Variants in MAST3 observed in about 807,000 individuals in gnomAD.
The protein encoded by MAST3 is microtubule-associated serine/threonine-protein kinase 3.
MAST3 carries 43 observed loss-of-function variants against 127.0 expected under a neutral mutation model. The observed-to-expected ratio is 0.34, with a 90% CI of 0.27 to 0.44. MAST3 has a LOEUF of 0.44. MAST3 is among the 20% of genes least tolerant of loss of function. The probability of loss-of-function intolerance (pLI) is 1.00; values close to 1 mark genes in which losing one functional copy is unlikely to be tolerated. For missense variants in MAST3, 1,390 were observed against 1,919.1 expected (o/e 0.72, Z 5.15); for synonymous variants, 785 against 809.2 (o/e 0.97, Z 0.51).
At chr19:18,103,122 G>T (rs904849191) in intron 1 of MAST3, among the ~76,000 whole-genome samples, 10 of 152,216 alleles carry the variant, frequency 6.6e-5, no homozygotes, top group African/African-American at 1.9e-4. Flanking sequence ...TGGGTGGAAA[G>T]CAGATGGTGC....
intron 3 of MAST3, among the ~76,000 whole-genome samples, chr19:18,114,338 C>T (rs747597201): frequency 2.6e-5 from 4 of 151,848 alleles, no homozygotes; most frequent in Non-Finnish European, 4.4e-5. Context: ...TACAGACATG[C>T]GCCACCACGC....
At chr19:18,131,169 A>C (rs570225601) in intron 14 of MAST3, among the ~76,000 whole-genome samples, 115 of 152,302 alleles carry the variant, frequency 7.6e-4, no homozygotes, top group Non-Finnish European at 1.3e-3. Context: ...TAGTCCCAGC[A>C]CTTTGGGAGG....
At chr19:18,131,496 C>G (rs774054543) in intron 14 of MAST3, among the ~76,000 whole-genome samples, 1 of 139,942 alleles carries the variant, frequency 7.1e-6, no homozygotes, top group Non-Finnish European at 1.6e-5. Context: ...GTCAAGAGAT[C>G]GAGACCATCC....
At chr19:18,138,016 CT>C (rs2042056805) in intron 19 of MAST3, among the ~76,000 whole-genome samples, 1 of 152,034 alleles carries the variant, frequency 6.6e-6, no homozygotes, top group Non-Finnish European at 1.5e-5. Context: ...ACCAGGCTGC[CT>C]GACCAACATG....
In MAST3 at chr19:18,145,906, C is replaced by A; in HGVS notation, c.3162+41C>A. On this transcript the variant is annotated intron_variant, in intron 25 of 27. Coordinates refer to ENST00000687212, the MANE Select transcript of MAST3 (RefSeq NM_001393504.1). This position sits in a 1 kb window ranked among gnomAD's most constrained non-coding sequence, Gnocchi z 5.9. ...TGCCCACCCTCAGGGCTCCCCAGCA[C>A]CCCTTGGCCGCAGCTCCCGGTTCCC... is the stretch of plus-strand genomic sequence containing the variant. 1 of 1,534,546 alleles carries A rather than the reference C, an allele frequency of 6.5e-7. No individual in the cohort carries two copies. The highest frequency in any genetic ancestry group is 8.7e-7 in the Non-Finnish European group (1 of 1,149,746).
At chr19:18,138,759 A>G (rs988068648) in intron 19 of MAST3, among the ~76,000 whole-genome samples, 2 of 152,142 alleles carry the variant, frequency 1.3e-5, no homozygotes, top group African/African-American at 4.8e-5. Context: ...TTGGCCTCTC[A>G]AAGTGCTGGG....
At chr19:18,135,282 T>C (rs1434807678) in intron 17 of MAST3, among the ~76,000 whole-genome samples, 1 of 151,952 alleles carries the variant, frequency 6.6e-6, no homozygotes, top group East Asian at 1.9e-4. Flanking sequence ...CTGGACAACA[T>C]GGTGAAACCC....
chr19:18,112,938 CAG>C lies in MAST3; in HGVS notation c.161+2198_161+2199del, dbSNP rs1271619415. Among the ~76,000 whole-genome samples, 3 of 152,170 alleles carry C rather than the reference CAG, an allele frequency of 2.0e-5. No homozygotes were observed. Among genetic ancestry groups the C allele is most frequent in the South Asian group, 2.1e-4 (1 of 4,800 alleles). On this transcript the variant is annotated intron_variant, in intron 3 of 27. Coordinates refer to ENST00000687212, the MANE Select transcript of MAST3 (RefSeq NM_001393504.1). This position sits in a 1 kb window ranked among gnomAD's most constrained non-coding sequence, Gnocchi z 4.1. ...CATCACCCCCATTTAGTGAAGAAAA[CAG>C]GGGCATAGGACCTCAGAATGTGTTA...
chr19:18,137,415 T>G, intron 19 of MAST3, 54 bp downstream of exon 19: 1 of 1,570,044 alleles, frequency 6.4e-7, no homozygotes, highest in Non-Finnish European at 8.7e-7. Flanking sequence ...CATCCCTCAG[T>G]CCCTGGGGGC....
chr19:18,144,292 A>G lies in MAST3; in HGVS notation c.2585-174A>G, dbSNP rs2042811453. Among the ~76,000 whole-genome samples, 7 of 152,286 alleles carry G rather than the reference A, an allele frequency of 4.6e-5. No homozygotes were observed. In the South Asian group the frequency reaches 1.4e-3, roughly 32 times the overall value. The stretch of plus-strand genomic sequence containing the variant: ...AGGCTTCCTGGAGGAGGGGACTTGA[A>G]GACTTTTGCATAGAGAATAATTTGG... On this transcript the variant is annotated intron_variant, in intron 22 of 27. Transcript: ENST00000687212. This position sits in a 1 kb window ranked among gnomAD's most constrained non-coding sequence, Gnocchi z 4.0.
intron 18 of MAST3, 107 bp downstream of exon 18, chr19:18,135,948 G>T: frequency 2.5e-6 from 2 of 789,306 alleles, no homozygotes; most frequent in Non-Finnish European, 2.1e-6. Context: ...TTGGGAAGCT[G>T]CATGGAGGAG....
rs1300546304 is a variant in MAST3 at position 18,124,091 on chromosome 19, C to T, written c.786C>T (p.Leu262=). The change falls in exon 9 of 28, where the codon CTC becomes CTT. Residue 262 remains leucine (L), a synonymous_variant. Transcript: ENST00000687212. ...GCTTGGCCAAGTCTGGCGAGAACCT[C>T]GTCACCTCCCGCTACTTCCTAGAGA... is the stretch of plus-strand genomic sequence containing the variant. The part of the protein sequence containing the change: ...RDCLAKSGEN[L]VTSRYFLEMQ... 3.1e-6 allele frequency: 5 copies of T among 1,611,292 alleles called. No individual in the cohort carries two copies. The highest frequency in any genetic ancestry group is 1.1e-5 in the South Asian group (1 of 90,544).
At position 18,144,383 on chromosome 19, in the gene MAST3, AC is replaced by A. The variant is rs1191707085; in HGVS notation, c.2585-81del. On this transcript the variant is annotated intron_variant, in intron 22 of 27. Coordinates refer to ENST00000687212, the MANE Select transcript of MAST3 (RefSeq NM_001393504.1). The surrounding 1 kb of genome is among the most constrained non-coding windows in gnomAD (Gnocchi z 4.0). ...AGGAGGCTGGACTGTGTAAATAGTGACCAGGGAGGAAGGGCCTTAAGGTCCC... is the reference window on the plus strand; with the variant it reads ...AGGAGGCTGGACTGTGTAAATAGTGACAGGGAGGAAGGGCCTTAAGGTCCC... 8 of 1,183,788 alleles carry A rather than the reference AC, an allele frequency of 6.8e-6. No individual in the cohort carries two copies. The highest frequency in any genetic ancestry group is 2.7e-4 in the Middle Eastern group (1 of 3,708). 73.3% of individuals were successfully genotyped at this position (1,183,788 alleles called of 1,614,324 possible).
chr19:18,114,648 GC>G (rs1271897363), intron 3 of MAST3, among the ~76,000 whole-genome samples: 2 of 152,190 alleles, frequency 1.3e-5, no homozygotes, highest in African/African-American at 4.8e-5. Flanking sequence ...CTCAGTTAAT[GC>G]ATGTGGCTTA....
chr19:18,130,847 T>C, intron 14 of MAST3, 145 bp downstream of exon 14: 2 of 821,464 alleles, frequency 2.4e-6, no homozygotes, highest in Non-Finnish European at 3.8e-6. Flanking sequence ...AACCCCAGTC[T>C]GGGGTAGGGA....
rs568227022 is a variant in MAST3 at position 18,142,635 on chromosome 19, C to A, written c.2339+620C>A. Among the ~76,000 whole-genome samples, 118 of 151,246 alleles carry A rather than the reference C, an allele frequency of 7.8e-4. 1 individual carries two copies. Among genetic ancestry groups the A allele is most frequent in the Non-Finnish European group, 1.5e-3 (102 of 67,818 alleles). ...AAAGTGCTAGGATTACAGGCGTGAGCCAATGTGCCCGGCCTTTTTTTTTTT... is the reference window on the plus strand; with the variant it reads ...AAAGTGCTAGGATTACAGGCGTGAGACAATGTGCCCGGCCTTTTTTTTTTT... On this transcript the variant is annotated intron_variant, in intron 21 of 27. Coordinates refer to ENST00000687212, the MANE Select transcript of MAST3 (RefSeq NM_001393504.1).
chr19:18,129,283 T>G, intron 13 of MAST3: 1 of 290,102 alleles, frequency 3.4e-6, no homozygotes, highest in Non-Finnish European at 6.6e-6. Context: ...AATGGCAGGC[T>G]TGCATACAAG....
chr19:18,105,054 G>T (rs1599656030), intron 1 of MAST3, among the ~76,000 whole-genome samples: 1 of 152,108 alleles, frequency 6.6e-6, no homozygotes, highest in African/African-American at 2.4e-5. Context: ...GTGCCACATG[G>T]CATTTTGAGA....
chr19:18,130,769 T>G, intron 14 of MAST3, 67 bp downstream of exon 14: 1 of 1,488,194 alleles, frequency 6.7e-7, no homozygotes, highest in Non-Finnish European at 9.2e-7. Context: ...TGGGAGAAAA[T>G]TTTTAGACCA....
Sources: allele counts gnomAD v4.1 joint callset (sites outside exome capture counted in the v4.1 genomes callset), GRCh38; gene constraint gnomAD v4.1.1; non-coding constraint Gnocchi (gnomAD v3.1); transcripts MANE v1.5; gene names NCBI Gene and HGNC (gene_info 2026-07-23, HGNC 2026-07-21).